The following ELAPOR2 variants were observed in gnomAD, a reference collection of about 807,000 sequenced individuals.
ELAPOR2 encodes the protein endosome/lysosome-associated apoptosis and autophagy regulator family member 2.
A neutral mutation model predicts 120.7 loss-of-function variants in ELAPOR2; 89 were observed. The observed-to-expected ratio is 0.74, with a 90% CI of 0.62 to 0.88. ELAPOR2 has a LOEUF of 0.88. Ranked by LOEUF, ELAPOR2 falls within the 40% of genes least tolerant of loss-of-function variation. The probability of loss-of-function intolerance (pLI) is 0.00; values close to 1 mark genes in which losing one functional copy is unlikely to be tolerated. For missense variants in ELAPOR2, 1,134 were observed against 1,251.6 expected (o/e 0.91, Z 1.42); for synonymous variants, 444 against 444.9 (o/e 1.00, Z 0.03).
At position 86,926,808 on chromosome 7, in the gene ELAPOR2, G is replaced by T; in HGVS notation, c.1198C>A (p.Pro400Thr). The T allele has an allele frequency of 3.1e-6, 5 of 1,611,758 alleles. No homozygotes were observed. The South Asian group carries it at 5.5e-5, about 18-fold the overall frequency. Residue 400 changes from proline to threonine, a missense_variant, in exon 9 of 22, where the codon CCT becomes ACT. Transcript: ENST00000450689. ...GATGATCCATTGTTATAAAATCCAG[G>T]GTTGCAAGGCGGACAATCCTTCTTC... ...GEKKDCPPCNPGFYNNGSSSC... is the reference protein window; with the variant it reads ...GEKKDCPPCNTGFYNNGSSSC...
intron 1 of ELAPOR2, among the ~76,000 whole-genome samples, chr7:87,029,498 T>C (rs955837567): frequency 3.9e-5 from 6 of 152,360 alleles, no homozygotes; most frequent in African/African-American, 1.4e-4. Context: ...TTGTGCTTTT[T>C]CGCAATTCTT....
chr7:86,898,559 CAAAAAAAAAAA>C (rs11418158), intron 18 of ELAPOR2, among the ~76,000 whole-genome samples: 4 of 66,586 alleles, frequency 6.0e-5, no homozygotes, highest in African/African-American at 1.0e-4. Flanking sequence ...ACACAATGAC[CAAAAAAAAAAA>C]AAAAAAAAAA....
In ELAPOR2 at chr7:86,970,275, G is replaced by T. The variant is rs565383730; in HGVS notation, c.190-5251C>A. ...GCAGTAGAAAGCCTCTATCTTCAAA[G>T]CAGAGAAAATGCTGGTACCTAGAAC... On this transcript the variant is annotated intron_variant, in intron 1 of 21. Coordinates refer to ENST00000450689, the MANE Select transcript of ELAPOR2 (RefSeq NM_001142749.3). Among the ~76,000 whole-genome samples, 11 of 152,286 alleles carry T rather than the reference G, an allele frequency of 7.2e-5. No individual in the cohort carries two copies. The East Asian group carries it at 2.1e-3, about 29-fold the overall frequency.
chr7:87,020,368 G>C (rs903592106), intron 1 of ELAPOR2, among the ~76,000 whole-genome samples: 1 of 152,000 alleles, frequency 6.6e-6, no homozygotes, highest in African/African-American at 2.4e-5. Flanking sequence ...AAGGTGAAAA[G>C]GACCCAAGTG....
At chr7:86,961,973 A>T (rs1289441046) in intron 2 of ELAPOR2, among the ~76,000 whole-genome samples, 1 of 152,126 alleles carries the variant, frequency 6.6e-6, no homozygotes, top group African/African-American at 2.4e-5. Context: ...AGCAGAGAGG[A>T]CAAAAAGACA....
chr7:87,054,016 A>T (rs1562988640), intron 1 of ELAPOR2, among the ~76,000 whole-genome samples: 1 of 152,198 alleles, frequency 6.6e-6, no homozygotes, highest in Non-Finnish European at 1.5e-5. Flanking sequence ...AGCTCCATGG[A>T]GCAGGGGCCT....
At chr7:87,019,149 ATTGTATTT>A (rs1306726719) in intron 1 of ELAPOR2, among the ~76,000 whole-genome samples, 2 of 152,006 alleles carry the variant, frequency 1.3e-5, no homozygotes, top group Non-Finnish European at 2.9e-5. Context: ...TTACATCTTC[ATTGTATTT>A]TTGTATTTTT....
chr7:86,981,925 C>T (rs1633456), intron 1 of ELAPOR2, among the ~76,000 whole-genome samples: 1 of 152,054 alleles, frequency 6.6e-6, no homozygotes, highest in East Asian at 1.9e-4. Context: ...CCATGACAGA[C>T]TGTATCTGGA....
At chr7:87,047,633 C>T (rs1794991694) in intron 1 of ELAPOR2, among the ~76,000 whole-genome samples, 1 of 152,208 alleles carries the variant, frequency 6.6e-6, no homozygotes, top group Admixed American at 6.5e-5. Flanking sequence ...AATATCATCT[C>T]ACCCCAGTTA....
At chr7:87,020,927 C>G (rs1183503873) in intron 1 of ELAPOR2, among the ~76,000 whole-genome samples, 1 of 152,010 alleles carries the variant, frequency 6.6e-6, no homozygotes, top group Non-Finnish European at 1.5e-5. Context: ...CTTGCATGTG[C>G]TACTTTTATT....
chr7:86,972,250 G>A (rs1792129540), intron 1 of ELAPOR2, among the ~76,000 whole-genome samples: 1 of 152,114 alleles, frequency 6.6e-6, no homozygotes, highest in Admixed American at 6.6e-5. Flanking sequence ...TCGCTCATCA[G>A]AATTCAGCTG....
intron 1 of ELAPOR2, among the ~76,000 whole-genome samples, chr7:87,032,148 T>C (rs1794442426): frequency 6.6e-6 from 1 of 152,188 alleles, no homozygotes; most frequent in African/African-American, 2.4e-5. Flanking sequence ...CTGATCAATT[T>C]ATATACTTCA....
At chr7:87,051,346 G>A (rs953967917) in intron 1 of ELAPOR2, among the ~76,000 whole-genome samples, 6 of 152,108 alleles carry the variant, frequency 3.9e-5, no homozygotes, top group South Asian at 4.1e-4. Flanking sequence ...GTTTCACAAC[G>A]TATAACTTTT....
chr7:87,031,569 A>G (rs1334822289), intron 1 of ELAPOR2, among the ~76,000 whole-genome samples: 1 of 152,200 alleles, frequency 6.6e-6, no homozygotes, highest in African/African-American at 2.4e-5. Flanking sequence ...GATTTATCAG[A>G]ACAGCGTTAA....
intron 12 of ELAPOR2, among the ~76,000 whole-genome samples, chr7:86,916,627 GT>G (rs1272663792): frequency 3.5e-4 from 54 of 152,154 alleles, no homozygotes; most frequent in African/African-American, 1.3e-3. Context: ...ACAGATTGCT[GT>G]GACCACAGAG....
intron 15 of ELAPOR2, chr7:86,911,839 A>G: frequency 1.7e-6 from 1 of 582,146 alleles, no homozygotes; most frequent in Non-Finnish European, 3.1e-6. Context: ...TCCAAGCTTC[A>G]GGTTTCAACT....
rs567123547 is a variant in ELAPOR2 at position 86,979,605 on chromosome 7, A to G, written c.190-14581T>C. Among the ~76,000 whole-genome samples, 5 of 152,366 alleles carry G rather than the reference A, an allele frequency of 3.3e-5. No homozygotes were observed. The East Asian group carries it at 9.6e-4, about 29-fold the overall frequency. ...CAACTAAGCTAGAGCATGAGCTCACAAAAGACTTGACATGAGTAAAGCCAG... is the reference window on the plus strand; with the variant it reads ...CAACTAAGCTAGAGCATGAGCTCACGAAAGACTTGACATGAGTAAAGCCAG... On this transcript the variant is annotated intron_variant, in intron 1 of 21. Transcript: ENST00000450689.
chr7:86,988,865 G>A (rs1792846868), intron 1 of ELAPOR2, among the ~76,000 whole-genome samples: 1 of 152,100 alleles, frequency 6.6e-6, no homozygotes, highest in African/African-American at 2.4e-5. Context: ...ATGTTTTGTT[G>A]CATGAGACAA....
At position 87,039,622 on chromosome 7, in the gene ELAPOR2, G is replaced by A. The variant is rs537617278; in HGVS notation, c.189+19703C>T. Among the ~76,000 whole-genome samples, 6 of 152,226 alleles carry A rather than the reference G, an allele frequency of 3.9e-5. No individual in the cohort carries two copies. In the South Asian group the frequency reaches 1.2e-3, roughly 32 times the overall value. On this transcript the variant is annotated intron_variant, in intron 1 of 21. Transcript: ENST00000450689. ...TCAACATACGCAAATAAATCAATGT[G>A]ATACATTGGATCAACAGAATGAAGG... is the stretch of plus-strand genomic sequence containing the variant.
Sources: gnomAD v4.1 joint callset for allele counts (sites outside exome capture counted in the v4.1 genomes callset) on GRCh38, gnomAD v4.1.1 for gene constraint, MANE v1.5 for transcripts, NCBI Gene and HGNC (gene_info 2026-07-23, HGNC 2026-07-21) for gene names.